The following CNKSR2 variants were observed in gnomAD, a reference collection of about 807,000 sequenced individuals.
CNKSR2 encodes connector enhancer of kinase suppressor of Ras 2, also known as CNK homolog protein 2.
Under a neutral mutation model 84.4 loss-of-function variants are expected in CNKSR2, and 14 were observed. That is an observed-to-expected ratio of 0.17 (90% CI 0.11 to 0.26). The LOEUF (loss-of-function observed/expected upper bound fraction) is 0.26. CNKSR2 is among the 10% of genes least tolerant of loss of function. The probability of loss-of-function intolerance (pLI) is 1.00; values close to 1 mark genes in which losing one functional copy is unlikely to be tolerated. For missense variants in CNKSR2, 485 were observed against 771.2 expected, an observed-to-expected ratio of 0.63 and a Z score of 4.40; for synonymous variants, 275 against 277.9, an observed-to-expected ratio of 0.99 and a Z score of 0.10.
At chrX:21,564,842 T>C (rs1057208301) in intron 13 of CNKSR2, among the ~76,000 whole-genome samples, 46 of 110,768 alleles carry the variant, frequency 4.2e-4, no homozygotes, top group African/African-American at 1.4e-3. Flanking sequence ...CTCTCAGAAG[T>C]CTCTAAGACA....
At chrX:21,473,745 G>GTTTTTTTTTTT (rs768497403) in intron 5 of CNKSR2, among the ~76,000 whole-genome samples, 1 of 67,202 alleles carries the variant, frequency 1.5e-5, no homozygotes, top group African/African-American at 1.0e-4. Context: ...TGTTGGTTTG[G>GTTTTTTTTTTT]TTTTTTTTTT....
chrX:21,579,691 A>G (rs1037079895), intron 13 of CNKSR2, among the ~76,000 whole-genome samples: 1 of 111,632 alleles, frequency 9.0e-6, no homozygotes, highest in African/African-American at 3.3e-5. Context: ...ATATTTTTAT[A>G]ATTGGGTAAA....
intron 3 of CNKSR2, 112 bp downstream of exon 3, chrX:21,432,926 A>G (rs185942202): frequency 3.0e-4 from 214 of 715,846 alleles, no homozygotes; most frequent in Non-Finnish European, 3.1e-4. Flanking sequence ...AGTACCAAGT[A>G]ATAAATGTCT....
In CNKSR2 at chrX:21,573,978, T is replaced by G. The variant is rs1362666861; in HGVS notation, c.1608+10526T>G. Among the ~76,000 whole-genome samples, 3 of 111,511 alleles carry G rather than the reference T, an allele frequency of 2.7e-5. No individual in the cohort carries two copies. In the Admixed American group the frequency reaches 2.9e-4, roughly 11 times the overall value. On this transcript the variant is annotated intron_variant, in intron 13 of 21. Coordinates refer to ENST00000379510, the MANE Select transcript of CNKSR2 (RefSeq NM_014927.5). ...GTCTGCTTCCTCTTGAACACTTTGC[T>G]CTGAGAAATTTTTTTCACCAGATAC...
At chrX:21,579,823 C>A (rs1360259811) in intron 13 of CNKSR2, among the ~76,000 whole-genome samples, 1 of 111,788 alleles carries the variant, frequency 8.9e-6, no homozygotes, top group African/African-American at 3.2e-5. Flanking sequence ...CACCAGTGGG[C>A]TGAGAACAAG....
chrX:21,650,855 A>T (rs2092719268), intron 21 of CNKSR2, among the ~76,000 whole-genome samples: 1 of 112,067 alleles, frequency 8.9e-6, no homozygotes, highest in Non-Finnish European at 1.9e-5. Flanking sequence ...ACTTTTGGGA[A>T]GAGCAGAATT....
At chrX:21,478,137 G>C in intron 5 of CNKSR2, among the ~76,000 whole-genome samples, 1 of 111,407 alleles carries the variant, frequency 9.0e-6, no homozygotes, top group East Asian at 2.8e-4. Context: ...TGTTTTCGAA[G>C]TTAAGGTCAC....
Position 21,602,044 on chromosome X carries a change from G to A in CNKSR2, c.2044+695G>A, listed in dbSNP as rs775152363. On this transcript the variant is annotated intron_variant, in intron 18 of 21. Transcript: ENST00000379510. ...CGTAGTTGTGTCTTCAGTGGGCATA[G>A]CCAGTTTATTGATGTGGAGATTCTA... 4.8e-4 allele frequency among the ~76,000 whole-genome samples: 54 copies of A among 112,337 alleles called. 1 individual carries two copies. In the Admixed American group the frequency reaches 4.9e-3, roughly 10 times the overall value.
At chrX:21,547,204 CAT>C (rs1173312529) in intron 11 of CNKSR2, among the ~76,000 whole-genome samples, 1 of 110,818 alleles carries the variant, frequency 9.0e-6, no homozygotes, top group Non-Finnish European at 1.9e-5. Context: ...CAAAGACACA[CAT>C]GGGTTCAAAA....
At chrX:21,520,462 A>G (rs1003412404) in intron 9 of CNKSR2, among the ~76,000 whole-genome samples, 4 of 93,480 alleles carry the variant, frequency 4.3e-5, no homozygotes, top group African/African-American at 2.2e-4. Context: ...CTTATCATCA[A>G]TTTCTTCTAA....
intron 11 of CNKSR2, among the ~76,000 whole-genome samples, chrX:21,536,649 T>C (rs1341259598): frequency 7.2e-5 from 8 of 110,910 alleles, no homozygotes; most frequent in Non-Finnish European, 1.3e-4. Context: ...TTTTCTAATT[T>C]GTTGGCTTGT....
At chrX:21,400,986 A>C (rs767377058) in intron 1 of CNKSR2, among the ~76,000 whole-genome samples, 13 of 111,629 alleles carry the variant, frequency 1.2e-4, no homozygotes, top group Non-Finnish European at 1.7e-4. Flanking sequence ...TGCTAGAAGT[A>C]TGCAAGTAGA....
intron 11 of CNKSR2, among the ~76,000 whole-genome samples, chrX:21,551,554 A>G (rs1405404595): frequency 8.9e-6 from 1 of 112,326 alleles, no homozygotes; most frequent in African/African-American, 3.2e-5. Flanking sequence ...ACAGAATGGG[A>G]AAGCCAAGAA....
At chrX:21,600,171 A>G (rs1284728949) in intron 17 of CNKSR2, among the ~76,000 whole-genome samples, 1 of 112,017 alleles carries the variant, frequency 8.9e-6, no homozygotes, top group Non-Finnish European at 1.9e-5. Context: ...GAATTTCCTC[A>G]CTTTTCAAGA....
intron 4 of CNKSR2, among the ~76,000 whole-genome samples, chrX:21,446,863 A>G (rs2090863019): frequency 9.0e-6 from 1 of 111,309 alleles, no homozygotes; most frequent in Non-Finnish European, 1.9e-5. Context: ...ATGTACATAC[A>G]TGCAAAAGAA....
At chrX:21,535,754 AAG>A (rs1266086959) in intron 11 of CNKSR2, among the ~76,000 whole-genome samples, 1 of 111,202 alleles carries the variant, frequency 9.0e-6, no homozygotes, top group Non-Finnish European at 1.9e-5. Flanking sequence ...AATCAGTTCT[AAG>A]AGTTTTATTG....
At chrX:21,413,728 A>G (rs1429253981) in intron 1 of CNKSR2, among the ~76,000 whole-genome samples, 1 of 110,874 alleles carries the variant, frequency 9.0e-6, no homozygotes, top group Admixed American at 9.6e-5. Context: ...TGCCTAGCTT[A>G]TTTCACTTGA....
chrX:21,424,493 G>A (rs1404272989), intron 1 of CNKSR2: 1 of 111,058 alleles, frequency 9.0e-6, no homozygotes, highest in Non-Finnish European at 1.9e-5. Context: ...AAGTTGTATG[G>A]ACCACTATAC....
intron 20 of CNKSR2, among the ~76,000 whole-genome samples, chrX:21,615,630 A>G (rs894233974): frequency 8.9e-6 from 1 of 111,876 alleles, no homozygotes; most frequent in Non-Finnish European, 1.9e-5. Flanking sequence ...TAAATGTTAT[A>G]TAGATTTTAT....
Sources: gnomAD v4.1 joint callset for allele counts (sites outside exome capture counted in the v4.1 genomes callset) on GRCh38, gnomAD v4.1.1 for gene constraint, MANE v1.5 for transcripts, NCBI Gene and HGNC (gene_info 2026-07-23, HGNC 2026-07-21) for gene names.